Variants in XKR9 observed in about 807,000 individuals in gnomAD.
XKR9 encodes the protein XK related 9.
In XKR9, 32 loss-of-function variants were observed where a neutral mutation model predicts 32.0. That is an observed-to-expected ratio of 1.00 (90% CI 0.76 to 1.34). The LOEUF is 1.34. Among genes scored for constraint, XKR9 ranks in the 40% most tolerant of loss-of-function variants. The probability of loss-of-function intolerance (pLI) is 0.00; values close to 1 mark genes in which losing one functional copy is unlikely to be tolerated. For missense variants in XKR9, 546 were observed against 429.7 expected (o/e 1.27, Z -2.39); for synonymous variants, 168 against 143.4 (o/e 1.17, Z -1.22).
intron 3 of XKR9, among the ~76,000 whole-genome samples, chr8:70,702,507 A>G (rs529719466): frequency 2.6e-5 from 4 of 152,244 alleles, no homozygotes; most frequent in South Asian, 4.1e-4. Flanking sequence ...TTTCCTTTCA[A>G]TTACTGAGAG....
the XKR9 span, among the ~76,000 whole-genome samples, chr8:70,820,495 G>A: frequency 6.6e-6 from 1 of 152,204 alleles, no homozygotes; most frequent in African/African-American, 2.4e-5. Context: ...GAGGGAGCAA[G>A]AGAGGAAGAG....
chr8:70,812,478 A>G, the XKR9 span, among the ~76,000 whole-genome samples: 2 of 152,344 alleles, frequency 1.3e-5, no homozygotes, highest in South Asian at 2.1e-4. Flanking sequence ...AGGATATTCA[A>G]TGAGGAAAAG....
chr8:71,064,604 G>T, the XKR9 span, among the ~76,000 whole-genome samples: 1 of 151,890 alleles, frequency 6.6e-6, no homozygotes, highest in East Asian at 1.9e-4. Context: ...GTGTTTTCTT[G>T]TTCAAAATAC....
chr8:70,818,054 C>G, the XKR9 span, among the ~76,000 whole-genome samples: 2 of 152,154 alleles, frequency 1.3e-5, no homozygotes, highest in Non-Finnish European at 2.9e-5. Context: ...TCAGCCTTGA[C>G]TAAGGATTTA....
the XKR9 span, among the ~76,000 whole-genome samples, chr8:70,865,213 T>C: frequency 6.6e-6 from 1 of 152,096 alleles, no homozygotes; most frequent in East Asian, 1.9e-4. Flanking sequence ...ATTTGTCTTT[T>C]AGACTGGCAA....
At chr8:71,027,741 A>T in the XKR9 span, among the ~76,000 whole-genome samples, 1 of 134,426 alleles carries the variant, frequency 7.4e-6, no homozygotes. Flanking sequence ...ACATTTAAGG[A>T]TTGTATTTGT....
the XKR9 span, among the ~76,000 whole-genome samples, chr8:70,833,093 C>T: frequency 6.6e-6 from 1 of 152,242 alleles, no homozygotes; most frequent in South Asian, 2.1e-4. Context: ...TTCTGTCAAA[C>T]ACCTGTGTAT....
chr8:70,778,035 A>G (rs1807557851), intron 2 of XKR9, among the ~76,000 whole-genome samples: 1 of 152,176 alleles, frequency 6.6e-6, no homozygotes. Flanking sequence ...GCCCATGCCT[A>G]TGTCCTGAGT....
intron 2 of XKR9, among the ~76,000 whole-genome samples, chr8:70,680,058 T>C (rs1212492702): frequency 6.6e-6 from 1 of 152,070 alleles, no homozygotes; most frequent in Non-Finnish European, 1.5e-5. Context: ...TGAAGTTGCA[T>C]TTGCTTCCTA....
the XKR9 span, among the ~76,000 whole-genome samples, chr8:71,013,864 C>T: frequency 0.43 from 65,724 of 151,842 alleles, 15,276 homozygotes; most frequent in Non-Finnish European, 0.53. Context: ...GACTTTAACT[C>T]AATAGTGTTT....
intron 2 of XKR9, among the ~76,000 whole-genome samples, chr8:70,756,896 G>A (rs563390661): frequency 2.5e-4 from 38 of 152,212 alleles, no homozygotes; most frequent in African/African-American, 9.2e-4. Context: ...TAGAAGTGTT[G>A]AGGGTGGACA....
the XKR9 span, among the ~76,000 whole-genome samples, chr8:70,857,663 A>G: frequency 3.9e-5 from 6 of 152,190 alleles, no homozygotes; most frequent in Non-Finnish European, 8.8e-5. Flanking sequence ...ACACAACAAA[A>G]AAAGAGAATT....
chr8:70,987,831 C>G, the XKR9 span, among the ~76,000 whole-genome samples: 1 of 152,218 alleles, frequency 6.6e-6, no homozygotes, highest in Non-Finnish European at 1.5e-5. Context: ...CAGCAAACTT[C>G]TGTCTGGGCA....
the XKR9 span, among the ~76,000 whole-genome samples, chr8:70,935,100 A>AGT: frequency 3.0e-5 from 3 of 98,814 alleles, no homozygotes; most frequent in Admixed American, 2.9e-4. Context: ...CTGTTTCTTC[A>AGT]GTATATATAT....
the XKR9 span, among the ~76,000 whole-genome samples, chr8:70,862,758 T>C: frequency 3.0e-4 from 46 of 152,208 alleles, no homozygotes; most frequent in African/African-American, 1.1e-3. Flanking sequence ...TTGTATAACT[T>C]ACATCTGGTG....
rs555799344 is a variant in XKR9 at position 70,671,782 on chromosome 8, C to T, written c.-361+2244C>T. Reference sequence around the variant, plus strand: ...AAGTCTTTGCTATTGTGAATAGTGCCGCAATAAACATACGTGTGATTGTTT... The same window carrying T: ...AAGTCTTTGCTATTGTGAATAGTGCTGCAATAAACATACGTGTGATTGTTT... On this transcript the variant is annotated intron_variant, in intron 1 of 4. Coordinates refer to ENST00000408926, the MANE Select transcript of XKR9 (RefSeq NM_001011720.2). Among the ~76,000 whole-genome samples the T allele has an allele frequency of 1.2e-4, 13 of 112,332 alleles. 5 individuals carry two copies. Among genetic ancestry groups the T allele is most frequent in the African/African-American group, 3.2e-4 (11 of 34,854 alleles). The allele number at this position is 112,332 out of a possible 152,430, so 73.7% of individuals were successfully genotyped here.
At chr8:71,029,540 G>A in the XKR9 span, among the ~76,000 whole-genome samples, 5 of 152,070 alleles carry the variant, frequency 3.3e-5, no homozygotes, top group African/African-American at 7.2e-5. Flanking sequence ...TGCCAGTAGA[G>A]CAAAGGTATT....
chr8:70,673,232 A>G (rs950389557), intron 1 of XKR9, among the ~76,000 whole-genome samples: 2 of 152,210 alleles, frequency 1.3e-5, no homozygotes, highest in Admixed American at 6.5e-5. Flanking sequence ...GCTTTTGCAT[A>G]TGATGAGAGA....
the XKR9 span, among the ~76,000 whole-genome samples, chr8:70,906,089 A>C: frequency 6.6e-6 from 1 of 152,212 alleles, no homozygotes; most frequent in Admixed American, 6.5e-5. Context: ...GACCCACTTG[A>C]GAAGGCAGTC....
Sources: gnomAD v4.1 joint callset for allele counts (sites outside exome capture counted in the v4.1 genomes callset) on GRCh38, gnomAD v4.1.1 for gene constraint, MANE v1.5 for transcripts, NCBI Gene and HGNC (gene_info 2026-07-23, HGNC 2026-07-21) for gene names.